Variants in NBEA observed in about 807,000 individuals in gnomAD.
The protein encoded by NBEA is lysosomal-trafficking regulator 2.
In NBEA, 44 loss-of-function variants were observed where a neutral mutation model predicts 343.4. That is an observed-to-expected ratio of 0.13 (90% CI 0.10 to 0.16). The LOEUF is 0.16. Ranked by LOEUF, NBEA falls within the 10% of genes least tolerant of loss-of-function variation. The pLI is 1.00. For synonymous variants in NBEA, 1,175 were observed against 1,238.7 expected, an observed-to-expected ratio of 0.95 and a Z score of 1.08; for missense variants, 2,555 against 3,631.3, an observed-to-expected ratio of 0.70 and a Z score of 7.62.
intron 10 of NBEA, among the ~76,000 whole-genome samples, chr13:35,091,725 T>C (rs1229070450): frequency 6.6e-6 from 1 of 151,932 alleles, no homozygotes; most frequent in Non-Finnish European, 1.5e-5. Flanking sequence ...TACTGAGATA[T>C]AAATTTCACA....
At chr13:35,400,752 AT>A (rs2042965388) in intron 38 of NBEA, among the ~76,000 whole-genome samples, 1 of 152,054 alleles carries the variant, frequency 6.6e-6, no homozygotes, top group Admixed American at 6.6e-5. Context: ...GATTCAGACT[AT>A]GGGATGATCA....
At chr13:34,947,045 A>G (rs2059207128) in intron 1 of NBEA, among the ~76,000 whole-genome samples, 1 of 151,954 alleles carries the variant, frequency 6.6e-6, no homozygotes, top group South Asian at 2.1e-4. Context: ...TAATACTAAT[A>G]AAACCACATT....
chr13:35,206,939 G>C (rs1430120969), intron 31 of NBEA, among the ~76,000 whole-genome samples: 1 of 152,032 alleles, frequency 6.6e-6, no homozygotes, highest in African/African-American at 2.4e-5. Flanking sequence ...GGGAATGAAG[G>C]CATAATGTGT....
At chr13:35,113,732 C>G (rs562058460) in intron 13 of NBEA, among the ~76,000 whole-genome samples, 1 of 152,236 alleles carries the variant, frequency 6.6e-6, no homozygotes, top group Non-Finnish European at 1.5e-5. Flanking sequence ...GTGTTTTAGG[C>G]TTACGGAGCC....
At chr13:35,614,626 A>G (rs2082656813) in intron 48 of NBEA, among the ~76,000 whole-genome samples, 1 of 152,200 alleles carries the variant, frequency 6.6e-6, no homozygotes, top group African/African-American at 2.4e-5. Context: ...TTCACTGGCC[A>G]CTGCTGATTT....
intron 53 of NBEA, among the ~76,000 whole-genome samples, chr13:35,653,625 G>A (rs536440642): frequency 9.2e-5 from 14 of 152,216 alleles, no homozygotes; most frequent in Non-Finnish European, 1.0e-4. Flanking sequence ...GCCACCACGC[G>A]CAGCCTCTTA....
intron 45 of NBEA, among the ~76,000 whole-genome samples, chr13:35,583,184 A>C (rs1175879210): frequency 6.6e-6 from 1 of 152,196 alleles, no homozygotes; most frequent in African/African-American, 2.4e-5. Flanking sequence ...TAGATGTGCT[A>C]AAATTTTGAG....
At chr13:35,209,209 A>T (rs1228997652) in intron 32 of NBEA, among the ~76,000 whole-genome samples, 1 of 152,200 alleles carries the variant, frequency 6.6e-6, no homozygotes, top group East Asian at 1.9e-4. Flanking sequence ...ATCAAGATGT[A>T]CTAAAAATGT....
chr13:35,082,175 T>G (rs187795881), intron 10 of NBEA, among the ~76,000 whole-genome samples: 7 of 152,312 alleles, frequency 4.6e-5, no homozygotes, highest in Admixed American at 3.9e-4. Context: ...TGTTTGGTTT[T>G]TTTGTCCCTG....
Position 35,142,428 on chromosome 13 carries a change from C to T in NBEA, c.2445+51C>T. Reference sequence around the variant, plus strand: ...AGTTTTAAGTGTATACAGTGGAAACCCTCTTAATCTATGCAATTGAGATGA... The same window carrying T: ...AGTTTTAAGTGTATACAGTGGAAACTCTCTTAATCTATGCAATTGAGATGA... On this transcript the variant is annotated intron_variant, in intron 18 of 58. Coordinates refer to ENST00000379939, the MANE Select transcript of NBEA (RefSeq NM_001385012.1). 3.8e-6 allele frequency: 5 copies of T among 1,325,972 alleles called. 1 individual carries two copies. The South Asian group carries it at 5.1e-5, about 14-fold the overall frequency. 82.1% of individuals were successfully genotyped at this position (1,325,972 alleles called of 1,614,324 possible). A position where few individuals can be genotyped will look rare whatever the true frequency, so the allele number is the denominator to read the frequency against.
At chr13:35,610,044 G>A (rs1157726590) in intron 48 of NBEA, among the ~76,000 whole-genome samples, 1 of 152,178 alleles carries the variant, frequency 6.6e-6, no homozygotes. Context: ...CTCCAGATTC[G>A]TCCACTGAAA....
chr13:35,078,977 G>A (rs1227100383), intron 10 of NBEA, among the ~76,000 whole-genome samples: 12 of 151,958 alleles, frequency 7.9e-5, no homozygotes, highest in African/African-American at 2.7e-4. Flanking sequence ...GGCCGAGATC[G>A]CACCACTGCA....
chr13:35,294,971 T>C (rs979320200), intron 35 of NBEA, among the ~76,000 whole-genome samples: 1 of 151,628 alleles, frequency 6.6e-6, no homozygotes, highest in Non-Finnish European at 1.5e-5. Context: ...GTCTAATCAT[T>C]TGGCTTCCCT....
At chr13:35,535,133 C>A (rs901811782) in intron 41 of NBEA, among the ~76,000 whole-genome samples, 4 of 152,124 alleles carry the variant, frequency 2.6e-5, no homozygotes, top group Non-Finnish European at 5.9e-5. Flanking sequence ...GAAAGGTACT[C>A]ATTTGCCAGC....
chr13:35,445,791 T>TATATAC lies in NBEA; in HGVS notation c.6305-6296_6305-6295insCATATA, dbSNP rs2045979234. On this transcript the variant is annotated intron_variant, in intron 39 of 58. Coordinates refer to ENST00000379939, the MANE Select transcript of NBEA (RefSeq NM_001385012.1). Reference sequence around the variant, plus strand: ...TCTAAGATATAAATGTTTATATATATATATATATATATATATATATATATA... The same window carrying TATATAC: ...TCTAAGATATAAATGTTTATATATATATATACATATATATATATATATATATATATA... 5.7e-5 allele frequency among the ~76,000 whole-genome samples: 4 copies of TATATAC among 70,274 alleles called. No homozygotes were observed. The South Asian group carries it at 1.3e-3, about 23-fold the overall frequency. 46.1% of individuals were successfully genotyped at this position (70,274 alleles called of 152,430 possible).
chr13:35,665,113 C>T lies in NBEA; in HGVS notation c.8391C>T (p.Leu2797=), dbSNP rs372301717. 1.3e-6 allele frequency: 2 copies of T among 1,581,312 alleles called. No homozygotes were observed. Among genetic ancestry groups the T allele is most frequent in the Non-Finnish European group, 1.7e-6 (2 of 1,161,292 alleles). Reference sequence around the variant, plus strand: ...ACTATCCGGCACCAAGAGCCGTCCTCACAGGCCATGACCATGAAGTTGTCT... The same window carrying T: ...ACTATCCGGCACCAAGAGCCGTCCTTACAGGCCATGACCATGAAGTTGTCT... ...SSDYPAPRAV[L]TGHDHEVVCV... Residue 2797 remains leucine (L), a synonymous_variant, in exon 56 of 59, where the codon CTC becomes CTT. Coordinates refer to ENST00000379939, the MANE Select transcript of NBEA (RefSeq NM_001385012.1).
At chr13:34,943,202 G>A in intron 1 of NBEA, 88 bp downstream of exon 1, 1 of 1,508,392 alleles carries the variant, frequency 6.6e-7, no homozygotes, top group Non-Finnish European at 9.0e-7. Flanking sequence ...TCACCCCCAG[G>A]GTCACACGCG....
At chr13:35,189,299 T>C (rs2071995319) in intron 30 of NBEA, among the ~76,000 whole-genome samples, 1 of 152,134 alleles carries the variant, frequency 6.6e-6, no homozygotes, top group Non-Finnish European at 1.5e-5. Flanking sequence ...ATTAGCGAAG[T>C]TGAGCATTTT....
At chr13:34,964,039 A>T (rs1174260670) in intron 1 of NBEA, among the ~76,000 whole-genome samples, 1 of 152,056 alleles carries the variant, frequency 6.6e-6, no homozygotes, top group Non-Finnish European at 1.5e-5. Context: ...CCAAGATTTC[A>T]GAGCAAATAA....
Sources: allele counts gnomAD v4.1 joint callset (sites outside exome capture counted in the v4.1 genomes callset), GRCh38; gene constraint gnomAD v4.1.1; transcripts MANE v1.5; gene names NCBI Gene and HGNC (gene_info 2026-07-23, HGNC 2026-07-21).